The following HIF3A variants were observed in gnomAD, a reference collection of about 807,000 sequenced individuals.
HIF3A encodes hypoxia inducible factor 3 subunit alpha.
Under a neutral mutation model 67.2 loss-of-function variants are expected in HIF3A, and 41 were observed. The observed-to-expected ratio is 0.61, with a 90% CI of 0.48 to 0.79. The LOEUF is 0.79. Among genes scored for constraint, HIF3A ranks in the 30% least tolerant of loss-of-function variants. The probability of loss-of-function intolerance (pLI) is 0.00; values close to 1 mark genes in which losing one functional copy is unlikely to be tolerated. For synonymous variants in HIF3A, 356 were observed against 374.8 expected, an observed-to-expected ratio of 0.95 and a Z score of 0.58; for missense variants, 855 against 898.0, an observed-to-expected ratio of 0.95 and a Z score of 0.61.
At chr19:46,311,115 C>T (rs560083268) in intron 6 of HIF3A, among the ~76,000 whole-genome samples, 113 of 151,566 alleles carry the variant, frequency 7.5e-4, no homozygotes, top group African/African-American at 2.4e-3. Context: ...TTTTCTTCCC[C>T]TCTCTTCCTC....
Position 46,308,794 on chromosome 19 carries a change from G to T in HIF3A, c.561+19G>T. ...CTGGAAGGTGCGTGGGGCCGGGCCA[G>T]AGGAGGGCGGGGACGCTGGGGCTGG... On this transcript the variant is annotated intron_variant, in intron 5 of 14. Transcript: ENST00000377670. The T allele has an allele frequency of 6.6e-7, 1 of 1,513,058 alleles. No homozygotes were observed. Among genetic ancestry groups the T allele is most frequent in the African/African-American group, 1.4e-5 (1 of 73,210 alleles). The allele number at this position is 1,513,058 out of a possible 1,614,324, so 93.7% of individuals were successfully genotyped here. A position where few individuals can be genotyped will look rare whatever the true frequency, so the allele number is the denominator to read the frequency against.
intron 8 of HIF3A, among the ~76,000 whole-genome samples, chr19:46,315,983 C>G (rs1969886926): frequency 6.6e-6 from 1 of 152,050 alleles, no homozygotes; most frequent in Non-Finnish European, 1.5e-5. Flanking sequence ...GTAATCCCAG[C>G]ACTTTGGGAG....
Position 46,312,605 on chromosome 19 carries a change from G to C in HIF3A, c.977G>C (p.Gly326Ala), listed in dbSNP as rs777155654. 1.4e-5 allele frequency: 22 copies of C among 1,596,866 alleles called. No individual in the cohort carries two copies. Among genetic ancestry groups the C allele is most frequent in the Non-Finnish European group, 1.9e-5 (22 of 1,171,526 alleles). Residue 326 changes from glycine to alanine, a missense_variant, in exon 8 of 15, where the codon GGA (glycine) becomes GCA (alanine). Physicochemically the swap from Gly to Ala is moderately conservative, Grantham distance 60. Coordinates refer to ENST00000377670, the MANE Select transcript of HIF3A (RefSeq NM_152795.4). ...TQTQATVVSG[G>A]RGPQSESIVC... ...ACCCAGGCCACAGTGGTGTCAGGGG[G>C]ACGGGGCCCCCAGTCGGAGAGTATC...
At chr19:46,337,834 TC>T (rs1316098053) in intron 14 of HIF3A, among the ~76,000 whole-genome samples, 11 of 152,324 alleles carry the variant, frequency 7.2e-5, no homozygotes, top group Non-Finnish European at 1.2e-4. Context: ...TTTATAACAC[TC>T]CATAATTACA....
chr19:46,325,239 C>G (rs1009737824), intron 10 of HIF3A, among the ~76,000 whole-genome samples: 2 of 151,930 alleles, frequency 1.3e-5, no homozygotes, highest in African/African-American at 4.8e-5. Context: ...TCAAGTGATC[C>G]ACCCACCTTG....
intron 7 of HIF3A, 64 bp downstream of exon 7, chr19:46,312,331 C>A: frequency 1.2e-6 from 2 of 1,611,248 alleles, no homozygotes; most frequent in African/African-American, 2.7e-5. Flanking sequence ...GACACCAGGA[C>A]CCCCCAGCTC....
chr19:46,325,216 C>T (rs1970690883), intron 10 of HIF3A, among the ~76,000 whole-genome samples: 1 of 151,850 alleles, frequency 6.6e-6, no homozygotes, highest in Non-Finnish European at 1.5e-5. Context: ...AAGCTGGTCT[C>T]GAATTCCTGA....
rs1441327216 is a variant in HIF3A at position 46,320,465 on chromosome 19, G to T, written c.1048G>T (p.Val350Leu). 1 of 1,614,014 alleles carries T rather than the reference G, an allele frequency of 6.2e-7. No individual in the cohort carries two copies. The highest frequency in any genetic ancestry group is 1.3e-5 in the African/African-American group (1 of 74,938). Residue 350 changes from valine to leucine, a missense_variant, in exon 9 of 15, where the codon GTG becomes TTG. Around this residue, in one of 3 missense-constraint regions of HIF3A, gnomAD observed 638 missense variants for 660.5 expected, o/e 0.97. Coordinates refer to ENST00000377670, the MANE Select transcript of HIF3A (RefSeq NM_152795.4). ...CAGCCAGGTGGAAGAGACCGGAGTG[G>T]TGCTGTCCCTGGAGCAAACGGAGCA... ...LISQVEETGV[V>L]LSLEQTEQHS...
At chr19:46,333,637 A>G (rs1482802363) in intron 13 of HIF3A, among the ~76,000 whole-genome samples, 1 of 152,094 alleles carries the variant, frequency 6.6e-6, no homozygotes, top group African/African-American at 2.4e-5. Context: ...GGATGACTGG[A>G]CAGGGACTGA....
chr19:46,307,999 CAGAT>C (rs879144909), intron 3 of HIF3A, among the ~76,000 whole-genome samples: 47 of 49,304 alleles, frequency 9.5e-4, no homozygotes, highest in African/African-American at 2.3e-3. Context: ...GACAGACAGA[CAGAT>C]AGATAGATAG....
At chr19:46,338,102 G>A (rs749691769) in intron 14 of HIF3A, 10 of 430,284 alleles carry the variant, frequency 2.3e-5, no homozygotes, top group East Asian at 1.4e-4. Flanking sequence ...CTGGAGTGTC[G>A]GTCCCATAAG....
intron 9 of HIF3A, 53 bp from the exon 10 acceptor site, chr19:46,321,723 C>T: frequency 6.5e-7 from 1 of 1,530,756 alleles, no homozygotes; most frequent in Non-Finnish European, 9.0e-7. Context: ...GGGCTCTGGC[C>T]CTTGGCCCTC....
rs1036132109 is a variant in HIF3A, at chr19:46,340,146, C to T, written c.*524C>T. The T allele has an allele frequency of 3.9e-5, 6 of 152,254 alleles. No individual in the cohort carries two copies. Among genetic ancestry groups the T allele is most frequent in the South Asian group, 2.1e-4 (1 of 4,824 alleles). The allele number at this position is 152,254 out of a possible 1,614,324, so 9.4% of individuals were successfully genotyped here. On this transcript the variant is annotated 3_prime_UTR_variant, in exon 15 of 15. Transcript: ENST00000377670. The stretch of plus-strand genomic sequence containing the variant: ...AGAATGTGGGACTCTGATCTTCCCC[C>T]TCTTCAGGTGTCAGTGCGGAGAGGC...
intron 3 of HIF3A, among the ~76,000 whole-genome samples, chr19:46,306,143 C>T (rs1424633603): frequency 6.6e-6 from 1 of 152,122 alleles, no homozygotes; most frequent in Non-Finnish European, 1.5e-5. Context: ...ATAGGAGAAG[C>T]TGAGAGACAA....
chr19:46,302,495 A>G (rs2147114388), intron 1 of HIF3A, among the ~76,000 whole-genome samples: 1 of 152,290 alleles, frequency 6.6e-6, no homozygotes, highest in East Asian at 1.9e-4. Context: ...CAGGGGCACA[A>G]TCATGGCTCA....
chr19:46,339,609 C>T lies in HIF3A; in HGVS notation c.1997C>T (p.Ala666Val), dbSNP rs766955811. The T allele has an allele frequency of 2.5e-6, 4 of 1,603,130 alleles. No individual in the cohort carries two copies. The highest frequency in any genetic ancestry group is 3.4e-6 in the Non-Finnish European group (4 of 1,173,922). ...GGPFQPRAGSAQAD is the reference protein window; with the variant it reads ...GGPFQPRAGSVQAD ...CCCTTCCAGCCAAGGGCAGGCTCAGCCCAGGCTGACTGAGCCGGCTCCTCT... is the reference window on the plus strand; with the variant it reads ...CCCTTCCAGCCAAGGGCAGGCTCAGTCCAGGCTGACTGAGCCGGCTCCTCT... The change falls in exon 15 of 15, where the codon GCC (alanine) becomes GTC (valine). Residue 666 changes from alanine to valine, a missense_variant. Ala to Val is a moderately conservative substitution (Grantham distance 64). Around this residue, in one of 3 missense-constraint regions of HIF3A, gnomAD observed 199 missense variants for 193.8 expected, o/e 1.03. Coordinates refer to ENST00000377670, the MANE Select transcript of HIF3A (RefSeq NM_152795.4).
intron 14 of HIF3A, chr19:46,338,371 G>A: frequency 2.5e-6 from 1 of 405,302 alleles, no homozygotes; most frequent in Non-Finnish European, 4.9e-6. Context: ...CCTGGCTGAT[G>A]TTTATATGTT....
chr19:46,311,170 CTCT>C (rs1296125626), intron 6 of HIF3A, among the ~76,000 whole-genome samples: 1 of 152,068 alleles, frequency 6.6e-6, no homozygotes, highest in African/African-American at 2.4e-5. Flanking sequence ...CTTTTCTTAG[CTCT>C]TCTTCCCCTC....
rs1601164992 is a variant in HIF3A, at chr19:46,298,191, A to C, written c.26+1089A>C. The stretch of plus-strand genomic sequence containing the variant: ...CTCAGGCCTGATTGGATCCATGCAC[A>C]CCCCATGTTTCTAACCGCCCCCATC... On this transcript the variant is annotated intron_variant, in intron 1 of 14. Transcript: ENST00000377670. 7.0e-5 allele frequency: 21 copies of C among 299,768 alleles called. 1 individual carries two copies. The highest frequency in any genetic ancestry group is 1.4e-4 in the Admixed American group (3 of 21,890). 18.6% of individuals were successfully genotyped at this position (299,768 alleles called of 1,614,324 possible).
Sources: gnomAD v4.1 joint callset for allele counts (sites outside exome capture counted in the v4.1 genomes callset) on GRCh38, gnomAD v4.1.1 for gene constraint, gnomAD v4.1.1 regional missense constraint, MANE v1.5 for transcripts, NCBI Gene and HGNC (gene_info 2026-07-23, HGNC 2026-07-21) for gene names.